CDH18: variants seen among roughly 807,000 people sequenced by gnomAD.
CDH18 encodes cadherin-18.
CDH18 carries 31 observed loss-of-function variants against 67.9 expected under a neutral mutation model. The ratio of observed to expected loss-of-function variants is 0.46; its 90% CI spans 0.34 to 0.62. CDH18 has a LOEUF of 0.62. Ranked by LOEUF, CDH18 falls within the 20% of genes least tolerant of loss-of-function variation. CDH18 has a pLI of 0.01. For synonymous variants in CDH18, 362 were observed against 347.2 expected (o/e 1.04, Z -0.48); for missense variants, 890 against 975.5 (o/e 0.91, Z 1.17).
intron 5 of CDH18, among the ~76,000 whole-genome samples, chr5:19,670,944 A>G (rs958577367): frequency 3.9e-5 from 6 of 152,156 alleles, no homozygotes; most frequent in African/African-American, 1.4e-4. Flanking sequence ...AACCAAATGT[A>G]TAAGTGATGA....
At chr5:20,194,852 T>G (rs1738843124) in intron 2 of CDH18, among the ~76,000 whole-genome samples, 1 of 152,038 alleles carries the variant, frequency 6.6e-6, no homozygotes, top group African/African-American at 2.4e-5. Context: ...AATTTCAGAT[T>G]TGCATTTCAT....
intron 3 of CDH18, among the ~76,000 whole-genome samples, chr5:19,757,725 G>A (rs939187882): frequency 2.0e-5 from 3 of 152,090 alleles, no homozygotes; most frequent in Non-Finnish European, 2.9e-5. Context: ...CCAATTTTCC[G>A]ATCATGCTTC....
At chr5:19,928,506 G>C (rs183589262) in intron 2 of CDH18, among the ~76,000 whole-genome samples, 1 of 152,150 alleles carries the variant, frequency 6.6e-6, no homozygotes. Flanking sequence ...TGATCATCCT[G>C]AAAGTTCTAT....
intron 1 of CDH18, among the ~76,000 whole-genome samples, chr5:20,457,642 G>A (rs549651652): frequency 6.6e-6 from 1 of 152,226 alleles, no homozygotes; most frequent in South Asian, 2.1e-4. Flanking sequence ...TGTGCTGCTT[G>A]GAAATCCTGT....
chr5:19,859,989 G>GGGGGGTGTGTGTGTGT (rs143069229), intron 2 of CDH18, among the ~76,000 whole-genome samples: 15 of 143,248 alleles, frequency 1.0e-4, no homozygotes, highest in African/African-American at 3.9e-4. Flanking sequence ...GTTTGCTTTG[G>GGGGGGTGTGTGTGTGT]GTGTGTGTGT....
chr5:20,460,792 C>A (rs1054333425), intron 1 of CDH18, among the ~76,000 whole-genome samples: 3 of 152,030 alleles, frequency 2.0e-5, no homozygotes, highest in African/African-American at 7.2e-5. Context: ...CAGTGATATT[C>A]GATGTTTTTT....
chr5:19,986,549 T>C (rs148191054), intron 1 of CDH18, among the ~76,000 whole-genome samples: 2 of 152,328 alleles, frequency 1.3e-5, no homozygotes, highest in East Asian at 1.9e-4. Context: ...ATCAGAAGTA[T>C]AGTTCATAAA....
chr5:19,584,493 C>T (rs553439561), intron 7 of CDH18, among the ~76,000 whole-genome samples: 1 of 151,912 alleles, frequency 6.6e-6, no homozygotes, highest in South Asian at 2.1e-4. Flanking sequence ...AGGTTAAAAT[C>T]CACTCAGGTA....
chr5:20,210,161 C>G (rs1740243809), intron 2 of CDH18, among the ~76,000 whole-genome samples: 1 of 151,660 alleles, frequency 6.6e-6, no homozygotes, highest in African/African-American at 2.4e-5. Context: ...TATTTGCTAG[C>G]CTTTTCCAGA....
intron 2 of CDH18, among the ~76,000 whole-genome samples, chr5:19,998,630 C>T (rs968306525): frequency 6.6e-6 from 1 of 151,722 alleles, no homozygotes; most frequent in African/African-American, 2.4e-5. Flanking sequence ...GGATTTTTTT[C>T]AAGGATGGCA....
At chr5:20,005,341 A>G (rs867154220) in intron 2 of CDH18, among the ~76,000 whole-genome samples, 13 of 152,052 alleles carry the variant, frequency 8.5e-5, no homozygotes, top group Middle Eastern at 3.4e-3. Context: ...TAATGGCAAA[A>G]TAAGTATATT....
At chr5:19,497,177 A>C (rs1742488515) in intron 11 of CDH18, among the ~76,000 whole-genome samples, 1 of 152,092 alleles carries the variant, frequency 6.6e-6, no homozygotes, top group African/African-American at 2.4e-5. Flanking sequence ...TTTGTTCTAG[A>C]TATTAGAAAA....
intron 1 of CDH18, chr5:20,305,590 G>A (rs1228567432): frequency 1.7e-6 from 1 of 572,322 alleles, no homozygotes. Flanking sequence ...CCTGCGCTGC[G>A]GGCCTCAGAG....
rs575334504 is a variant in CDH18, at chr5:20,186,094, G to A, written c.-518+69350C>T. Among the ~76,000 whole-genome samples the A allele has an allele frequency of 3.3e-5, 5 of 152,014 alleles. No homozygotes were observed. In the East Asian group the frequency reaches 5.8e-4, roughly 18 times the overall value. On this transcript the variant is annotated intron_variant, in intron 2 of 14. Transcript: ENST00000507958. ...ATGGTGTTCAGAAAACTGAATATAT[G>A]CAAGCAAATAAAAATTGAATAAAAT...
rs557929338 is a variant in CDH18 at position 20,288,158 on chromosome 5, T to C, written c.-579-32653A>G. The stretch of plus-strand genomic sequence containing the variant: ...TAAATTCCTTTCTGCAAGAATCTAC[T>C]TTGCAATATAAAAAGAATTAACTGT... On this transcript the variant is annotated intron_variant, in intron 1 of 14. Coordinates refer to the CDH18 transcript ENST00000507958. Among the ~76,000 whole-genome samples the C allele has an allele frequency of 4.0e-5, 6 of 151,754 alleles. No homozygotes were observed. The South Asian group carries it at 1.2e-3, about 32-fold the overall frequency.
intron 1 of CDH18, among the ~76,000 whole-genome samples, chr5:20,501,532 ATAT>A (rs1754269921): frequency 9.2e-6 from 1 of 108,924 alleles, no homozygotes; most frequent in Non-Finnish European, 1.8e-5. Context: ...CATATTATAT[ATAT>A]TATATACATA....
At chr5:19,646,470 G>T (rs1029769131) in intron 5 of CDH18, among the ~76,000 whole-genome samples, 1 of 152,026 alleles carries the variant, frequency 6.6e-6, no homozygotes, top group Admixed American at 6.6e-5. Context: ...CTCCTGAGTA[G>T]CTGGGACTAC....
chr5:20,237,032 G>GA (rs1175877785), intron 2 of CDH18, among the ~76,000 whole-genome samples: 1 of 151,806 alleles, frequency 6.6e-6, no homozygotes, highest in Non-Finnish European at 1.5e-5. Context: ...ATTTCTCACA[G>GA]AAAAAAATCA....
intron 5 of CDH18, among the ~76,000 whole-genome samples, chr5:19,658,837 G>A (rs1756773968): frequency 6.6e-6 from 1 of 151,896 alleles, no homozygotes; most frequent in East Asian, 1.9e-4. Flanking sequence ...GGTGTGTGAT[G>A]TTCTCCTTCC....
Sources: allele counts gnomAD v4.1 joint callset (sites outside exome capture counted in the v4.1 genomes callset), GRCh38; gene constraint gnomAD v4.1.1; transcripts MANE v1.5; gene names NCBI Gene and HGNC (gene_info 2026-07-23, HGNC 2026-07-21).